FAS: variants seen among roughly 807,000 people sequenced by gnomAD.
FAS encodes the protein Fas cell surface death receptor.
A neutral mutation model predicts 33.2 loss-of-function variants in FAS; 5 were observed. The ratio of observed to expected loss-of-function variants is 0.15; its 90% CI spans 0.08 to 0.32. The LOEUF is 0.32. Among genes scored for constraint, FAS ranks in the 10% least tolerant of loss-of-function variants. FAS has a pLI of 1.00. For synonymous variants in FAS, 131 were observed against 130.7 expected (o/e 1.00, Z -0.01); for missense variants, 339 against 386.0 (o/e 0.88, Z 1.02).
chr10:88,981,016 C>T (rs1203384080), intron 2 of FAS, among the ~76,000 whole-genome samples: 1 of 152,164 alleles, frequency 6.6e-6, no homozygotes, highest in Admixed American at 6.5e-5. Flanking sequence ...GAATAGGGTC[C>T]TTCCAGAGGG....
chr10:88,997,437 C>T (rs1398676075), intron 1 of FAS, among the ~76,000 whole-genome samples: 2 of 152,134 alleles, frequency 1.3e-5, no homozygotes, highest in Non-Finnish European at 2.9e-5. Context: ...ACTGTTGCTT[C>T]AACTACCTCT....
rs1188345187 is a variant in FAS, at chr10:89,014,387, C to A, written c.945C>A (p.Leu315=). Residue 315 remains leucine, a synonymous_variant, in exon 9 of 9, where the codon CTC becomes CTA. Coordinates refer to ENST00000652046, the MANE Select transcript of FAS (RefSeq NM_000043.6). ...TLAEKIQTII[L]KDITSDSENS... is the part of the protein sequence containing the mutation. ...CAGAGAAAATTCAGACTATCATCCT[C>A]AAGGACATTACTAGTGACTCAGAAA... The A allele has an allele frequency of 8.1e-6, 13 of 1,613,314 alleles. No individual in the cohort carries two copies. The highest frequency in any genetic ancestry group is 1.1e-5 in the Non-Finnish European group (13 of 1,179,944).
In FAS at chr10:89,016,588, TCAC is replaced by T. The variant is rs1848814491; in HGVS notation, c.*2140_*2142del. On this transcript the variant is annotated 3_prime_UTR_variant, in exon 9 of 9. Coordinates refer to ENST00000652046, the MANE Select transcript of FAS (RefSeq NM_000043.6). The stretch of plus-strand genomic sequence containing the variant: ...TGATGTGGTTTTTTTCCTCATGGCT[TCAC>T]CTAGTGGCCCCAAGCATGACTTCTC... 4.4e-6 allele frequency: 1 copy of T among 225,296 alleles called. No homozygotes were observed. Among genetic ancestry groups the T allele is most frequent in the South Asian group, 1.8e-4 (1 of 5,482 alleles). 14.0% of individuals were successfully genotyped at this position (225,296 alleles called of 1,614,324 possible).
intron 1 of FAS, among the ~76,000 whole-genome samples, chr10:88,995,724 G>C: frequency 6.6e-6 from 1 of 152,134 alleles, no homozygotes; most frequent in East Asian, 1.9e-4. Context: ...TACTCGGGAG[G>C]TCGCGGCAGG....
At chr10:88,974,704 T>A (rs764109634) in intron 2 of FAS, 3 of 152,218 alleles carry the variant, frequency 2.0e-5, no homozygotes, top group Non-Finnish European at 4.4e-5. Flanking sequence ...ACCAGATCAT[T>A]GACTTTGGCA....
At chr10:88,984,724 C>T (rs1247165329), upstream of FAS, among the ~76,000 whole-genome samples, 1 of 151,564 alleles carries the variant, frequency 6.6e-6, no homozygotes, top group African/African-American at 2.4e-5. Flanking sequence ...ATGGCCAAGT[C>T]ATATAGGAAG....
intron 1 of FAS, among the ~76,000 whole-genome samples, chr10:89,001,946 C>T (rs9658726): frequency 0.012 from 1,782 of 152,296 alleles, 33 homozygotes; most frequent in African/African-American, 0.04. Context: ...AACACAAACT[C>T]AGCTTCTTCC....
At chr10:89,011,617 G>A (rs1848532713) in intron 6 of FAS, among the ~76,000 whole-genome samples, 1 of 152,210 alleles carries the variant, frequency 6.6e-6, no homozygotes, top group Non-Finnish European at 1.5e-5. Context: ...TTATTTGTGT[G>A]TGTATTTCAT....
intron 1 of FAS, among the ~76,000 whole-genome samples, chr10:88,997,008 T>C (rs999252067): frequency 6.6e-6 from 1 of 152,258 alleles, no homozygotes; most frequent in African/African-American, 2.4e-5. Flanking sequence ...ATCTTCAAGC[T>C]TATTTTTGGA....
intron 2 of FAS, 131 bp downstream of exon 2, chr10:89,003,325 A>T (rs909499073): frequency 1.1e-6 from 1 of 951,768 alleles, no homozygotes; most frequent in Non-Finnish European, 1.6e-6. Flanking sequence ...GAGAAAAACA[A>T]CTATGAAATT....
intron 7 of FAS, among the ~76,000 whole-genome samples, chr10:89,012,522 A>G (rs777252129): frequency 6.6e-6 from 1 of 152,108 alleles, no homozygotes; most frequent in Non-Finnish European, 1.5e-5. Context: ...GTGGGTGCAT[A>G]GGTTAAAGGG....
chr10:88,967,544 G>A (rs933403865), intron 1 of FAS, among the ~76,000 whole-genome samples: 1 of 152,164 alleles, frequency 6.6e-6, no homozygotes, highest in South Asian at 2.1e-4. Flanking sequence ...TGCATTTTAT[G>A]ACAATCCACG....
intron 8 of FAS, 29 bp downstream of exon 8, chr10:89,013,396 A>G (rs745630181): frequency 1.2e-6 from 2 of 1,608,504 alleles, no homozygotes; most frequent in South Asian, 2.2e-5. Flanking sequence ...TATTTCATAG[A>G]GATGGCATCC....
chr10:88,983,595 G>T (rs1589427865), upstream of FAS, among the ~76,000 whole-genome samples: 2 of 75,808 alleles, frequency 2.6e-5, no homozygotes, highest in African/African-American at 5.4e-5. Context: ...GTTTAGATAA[G>T]TTAACAGGTT....
chr10:88,997,459 T>C (rs1016101169), intron 1 of FAS, among the ~76,000 whole-genome samples: 1 of 152,218 alleles, frequency 6.6e-6, no homozygotes, highest in African/African-American at 2.4e-5. Flanking sequence ...TCCTGGACTT[T>C]CCAGAGATTG....
In FAS at chr10:89,007,586, C is replaced by G. The variant is rs111656503; in HGVS notation, c.197-114C>G. 5.1e-5 allele frequency: 69 copies of G among 1,361,932 alleles called. 1 individual carries two copies. The African/African-American group carries it at 6.4e-4, about 13-fold the overall frequency. The allele number at this position is 1,361,932 out of a possible 1,614,324, so 84.4% of individuals were successfully genotyped here. On this transcript the variant is annotated intron_variant, in intron 2 of 8. Transcript: ENST00000652046. Reference sequence around the variant, plus strand: ...TTGTATTTATATCTCATTAGCCTACCCCCCCTCCCCTTGTGTTTTAGAAGA... The same window carrying G: ...TTGTATTTATATCTCATTAGCCTACGCCCCCTCCCCTTGTGTTTTAGAAGA...
rs1848828192 is a variant in FAS at position 89,016,946 on chromosome 10, G to C, written c.*2496G>C. ...TAAGGTATATAATCAATGAAATTTA[G>C]AATTTTTTTCTATGCTTACTCCTGA... On this transcript the variant is annotated 3_prime_UTR_variant, in exon 9 of 9. Coordinates refer to ENST00000652046, the MANE Select transcript of FAS (RefSeq NM_000043.6). 5.4e-6 allele frequency: 1 copy of C among 186,826 alleles called. No homozygotes were observed. The allele number at this position is 186,826 out of a possible 1,614,324, so 11.6% of individuals were successfully genotyped here. A position where few individuals can be genotyped will look rare whatever the true frequency, so the allele number is the denominator to read the frequency against.
At chr10:88,969,302 C>A (rs533108350) in intron 1 of FAS, among the ~76,000 whole-genome samples, 29 of 151,540 alleles carry the variant, frequency 1.9e-4, no homozygotes, top group African/African-American at 6.5e-4. Flanking sequence ...AATTTTCCAT[C>A]AAAAAAAAAT....
intron 1 of FAS, among the ~76,000 whole-genome samples, chr10:88,970,466 G>A (rs944000756): frequency 1.3e-5 from 2 of 152,174 alleles, no homozygotes; most frequent in African/African-American, 4.8e-5. Flanking sequence ...TTCAGTTAGT[G>A]CTGAGACTAC....
Sources: allele counts gnomAD v4.1 joint callset (sites outside exome capture counted in the v4.1 genomes callset), GRCh38; gene constraint gnomAD v4.1.1; transcripts MANE v1.5; gene names NCBI Gene and HGNC (gene_info 2026-07-23, HGNC 2026-07-21).